The following COL25A1 variants were observed in gnomAD, a reference collection of about 807,000 sequenced individuals.
COL25A1 encodes the protein collagen alpha-1(XXV) chain.
In COL25A1, 103 loss-of-function variants were observed where a neutral mutation model predicts 128.4. That is an observed-to-expected ratio of 0.80 (90% CI 0.68 to 0.94). The LOEUF (loss-of-function observed/expected upper bound fraction) is 0.94, where lower values mean the gene tolerates loss of function less well. Ranked by LOEUF, COL25A1 falls within the 40% of genes least tolerant of loss-of-function variation. The pLI is 0.00. For synonymous variants in COL25A1, 279 were observed against 277.2 expected (o/e 1.01, Z -0.06); for missense variants, 745 against 840.0 (o/e 0.89, Z 1.40).
chr4:109,277,244 T>C (rs1036218033), intron 3 of COL25A1, among the ~76,000 whole-genome samples: 1 of 152,298 alleles, frequency 6.6e-6, no homozygotes, highest in African/African-American at 2.4e-5. Context: ...AAAACTTCAA[T>C]AGAATTTAGG....
At chr4:109,240,218 C>T (rs574095464) in intron 3 of COL25A1, among the ~76,000 whole-genome samples, 10 of 152,062 alleles carry the variant, frequency 6.6e-5, no homozygotes, top group South Asian at 2.1e-4. Context: ...CCAAGTATTA[C>T]GTACTGTGCA....
intron 3 of COL25A1, among the ~76,000 whole-genome samples, chr4:109,075,284 CT>C (rs1347921008): frequency 6.6e-6 from 1 of 152,046 alleles, no homozygotes; most frequent in African/African-American, 2.4e-5. Flanking sequence ...TAGGCACTTT[CT>C]TTCCTATTAT....
In COL25A1 at chr4:108,905,849, T is replaced by TGG. The variant is rs1553964863; in HGVS notation, c.781-4678_781-4677insCC. Among the ~76,000 whole-genome samples, 957 of 97,372 alleles carry TGG rather than the reference T, an allele frequency of 9.8e-3. 12 individuals are homozygous for TGG. The highest frequency in any genetic ancestry group is 0.042 in the African/African-American group (904 of 21,326). 63.9% of individuals were successfully genotyped at this position (97,372 alleles called of 152,430 possible). On this transcript the variant is annotated intron_variant, in intron 13 of 37. Transcript: ENST00000399132. Reference sequence around the variant, plus strand: ...AACTCTGCCAAGCTGGAGCAGTATGTCGGGGGGGGGTGCGGGGGGAGGCGT... The same window carrying TGG: ...AACTCTGCCAAGCTGGAGCAGTATGTGGCGGGGGGGGGTGCGGGGGGAGGCGT...
At chr4:108,930,763 T>C (rs930420842) in intron 11 of COL25A1, among the ~76,000 whole-genome samples, 2 of 152,198 alleles carry the variant, frequency 1.3e-5, no homozygotes, top group East Asian at 1.9e-4. Flanking sequence ...CATGAGAATA[T>C]ATCTGTAAAG....
rs1339657989 is a variant in COL25A1, at chr4:108,812,804, C to G, written c.*1123G>C. 6.6e-6 allele frequency: 1 copy of G among 152,132 alleles called. No homozygotes were observed. Among genetic ancestry groups the G allele is most frequent in the Non-Finnish European group, 1.5e-5 (1 of 68,026 alleles). 9.4% of individuals were successfully genotyped at this position (152,132 alleles called of 1,614,324 possible). A position where few individuals can be genotyped will look rare whatever the true frequency, so the allele number is the denominator to read the frequency against. On this transcript the variant is annotated 3_prime_UTR_variant, in exon 38 of 38. Transcript: ENST00000399132. Reference sequence around the variant, plus strand: ...GGCACAGATTGTCCCAGTAAGCTCTCCTATATCATCGGGAGAGGCGATTTT... The same window carrying G: ...GGCACAGATTGTCCCAGTAAGCTCTGCTATATCATCGGGAGAGGCGATTTT...
Position 109,218,382 on chromosome 4 carries a change from T to TG in COL25A1, c.367+82200dup, listed in dbSNP as rs1553961839. On this transcript the variant is annotated intron_variant, in intron 3 of 37. Coordinates refer to ENST00000399132, the MANE Select transcript of COL25A1 (RefSeq NM_198721.4). ...GTTTTTTTTTTTTTTTTTTTTTTTT[T>TG]GCTTTTGAACTACACTTACTCTCCA... is the stretch of plus-strand genomic sequence containing the variant. Among the ~76,000 whole-genome samples, 90 of 130,958 alleles carry TG rather than the reference T, an allele frequency of 6.9e-4. 1 individual carries two copies. Among genetic ancestry groups the TG allele is most frequent in the African/African-American group, 2.5e-3 (83 of 32,864 alleles). The allele number at this position is 130,958 out of a possible 152,430, so 85.9% of individuals were successfully genotyped here.
intron 3 of COL25A1, among the ~76,000 whole-genome samples, chr4:109,191,358 G>T (rs909658870): frequency 2.6e-5 from 4 of 152,164 alleles, no homozygotes; most frequent in Non-Finnish European, 4.4e-5. Flanking sequence ...AGCAGCTGAG[G>T]CCAGGAACCC....
Position 108,998,013 on chromosome 4 carries a change from A to G in COL25A1, c.438+12345T>C, listed in dbSNP as rs564076744. 2.0e-5 allele frequency among the ~76,000 whole-genome samples: 3 copies of G among 152,342 alleles called. No individual in the cohort carries two copies. In the South Asian group the frequency reaches 6.2e-4, roughly 32 times the overall value. ...GATATTTATGACAAACCCACAGGCA[A>G]TATCATACTGAATGGGCAAAAACTG... On this transcript the variant is annotated intron_variant, in intron 6 of 37. Coordinates refer to ENST00000399132, the MANE Select transcript of COL25A1 (RefSeq NM_198721.4).
At chr4:108,942,379 T>C in intron 8 of COL25A1, 1 of 971,944 alleles carries the variant, frequency 1.0e-6, no homozygotes, top group East Asian at 2.6e-5. Context: ...TCCTGGGACT[T>C]AGAAGTCTTG....
At chr4:108,968,584 T>A (rs1431431995) in intron 8 of COL25A1, among the ~76,000 whole-genome samples, 2 of 151,880 alleles carry the variant, frequency 1.3e-5, no homozygotes, top group Non-Finnish European at 2.9e-5. Context: ...TCCTTCCTCA[T>A]CCCACTCCGT....
At chr4:109,186,993 T>C (rs898836395) in intron 3 of COL25A1, among the ~76,000 whole-genome samples, 7 of 152,230 alleles carry the variant, frequency 4.6e-5, no homozygotes, top group African/African-American at 1.4e-4. Context: ...AATTTGATCA[T>C]TGTTACAGGG....
intron 8 of COL25A1, among the ~76,000 whole-genome samples, chr4:108,943,815 C>T (rs574811473): frequency 3.3e-5 from 4 of 121,550 alleles, no homozygotes; most frequent in Middle Eastern, 3.8e-3. Context: ...GCCTTTTATT[C>T]CTTTTTTTCA....
At chr4:109,112,827 C>G (rs1047574682) in intron 3 of COL25A1, among the ~76,000 whole-genome samples, 3 of 152,090 alleles carry the variant, frequency 2.0e-5, no homozygotes, top group Admixed American at 2.0e-4. Context: ...GTTCTTATCC[C>G]AGATCTCTCA....
chr4:109,193,977 T>C (rs780964807), intron 3 of COL25A1, among the ~76,000 whole-genome samples: 2 of 152,180 alleles, frequency 1.3e-5, no homozygotes, highest in African/African-American at 2.4e-5. Flanking sequence ...AAGGTATTGA[T>C]TGATGAGCAA....
At chr4:108,889,350 C>T in intron 17 of COL25A1, 94 bp from the exon 18 acceptor site, 1 of 1,152,710 alleles carries the variant, frequency 8.7e-7, no homozygotes, top group Admixed American at 1.9e-5. Flanking sequence ...ATGGCCTAGC[C>T]CCCTTCTTCA....
intron 3 of COL25A1, among the ~76,000 whole-genome samples, chr4:109,124,880 CT>C (rs1231243224): frequency 2.0e-5 from 3 of 152,006 alleles, no homozygotes; most frequent in African/African-American, 7.2e-5. Context: ...TTATCTCCCC[CT>C]TAACTTAAAC....
intron 3 of COL25A1, among the ~76,000 whole-genome samples, chr4:109,139,641 G>A (rs907670943): frequency 1.3e-5 from 2 of 151,846 alleles, no homozygotes; most frequent in Non-Finnish European, 2.9e-5. Flanking sequence ...TAGATGTGTG[G>A]CGTTATTTCC....
intron 3 of COL25A1, among the ~76,000 whole-genome samples, chr4:109,154,216 G>A (rs975387820): frequency 2.6e-4 from 40 of 151,930 alleles, no homozygotes; most frequent in African/African-American, 9.2e-4. Flanking sequence ...ATCAAATCTA[G>A]GTTAAATATA....
intron 19 of COL25A1, among the ~76,000 whole-genome samples, chr4:108,872,626 T>C (rs928321214): frequency 5.3e-5 from 8 of 152,068 alleles, no homozygotes; most frequent in Admixed American, 3.3e-4. Context: ...ACAAACTGAA[T>C]GCAGAAGCAG....
Sources: allele counts gnomAD v4.1 joint callset (sites outside exome capture counted in the v4.1 genomes callset), GRCh38; gene constraint gnomAD v4.1.1; transcripts MANE v1.5; gene names NCBI Gene and HGNC (gene_info 2026-07-23, HGNC 2026-07-21).